PTPRD: variants seen among roughly 807,000 people sequenced by gnomAD.
The protein encoded by PTPRD is receptor-type tyrosine-protein phosphatase delta.
In PTPRD, 34 loss-of-function variants were observed where a neutral mutation model predicts 214.5. That is an observed-to-expected ratio of 0.16 (90% CI 0.12 to 0.21). The LOEUF is 0.21. Ranked by LOEUF, PTPRD falls within the 10% of genes least tolerant of loss-of-function variation. The pLI is 1.00. For missense variants in PTPRD, 2,545 were observed against 2,398.7 expected (o/e 1.06, Z -1.27); for synonymous variants, 1,128 against 845.7 (o/e 1.33, Z -5.79).
At chr9:9,934,146 C>T (rs1256634628) in intron 5 of PTPRD, among the ~76,000 whole-genome samples, 1 of 148,970 alleles carries the variant, frequency 6.7e-6, no homozygotes. Context: ...AAAATTGACA[C>T]CCTAACATCA....
intron 2 of PTPRD, among the ~76,000 whole-genome samples, chr9:10,518,988 T>A (rs1313160775): frequency 6.6e-6 from 1 of 151,850 alleles, no homozygotes; most frequent in Non-Finnish European, 1.5e-5. Context: ...TTTTTAATGG[T>A]CAGAAGAAAC....
At chr9:9,763,055 T>A (rs1409478763) in intron 6 of PTPRD, among the ~76,000 whole-genome samples, 3 of 152,176 alleles carry the variant, frequency 2.0e-5, no homozygotes, top group African/African-American at 7.2e-5. Context: ...GAGCGATCTC[T>A]TCCTCTTCTT....
chr9:9,862,363 C>T (rs913881718), intron 5 of PTPRD, among the ~76,000 whole-genome samples: 1 of 152,188 alleles, frequency 6.6e-6, no homozygotes, highest in Non-Finnish European at 1.5e-5. Context: ...TCTATGCAGA[C>T]ACAGGAACTA....
chr9:9,741,530 T>G (rs1235933830), intron 6 of PTPRD, among the ~76,000 whole-genome samples: 5 of 152,268 alleles, frequency 3.3e-5, no homozygotes, highest in Non-Finnish European at 7.4e-5. Flanking sequence ...TAGGTATACA[T>G]GTGCCATGGT....
At chr9:9,198,662 G>C (rs905087777) in intron 9 of PTPRD, among the ~76,000 whole-genome samples, 4 of 152,154 alleles carry the variant, frequency 2.6e-5, no homozygotes, top group Admixed American at 2.6e-4. Flanking sequence ...AAACTTAGGA[G>C]TTAGTTTTAA....
chr9:9,772,083 T>C (rs1172622445), intron 5 of PTPRD, among the ~76,000 whole-genome samples: 8 of 152,246 alleles, frequency 5.3e-5, no homozygotes, highest in South Asian at 4.2e-4. Context: ...TATTTAGAGA[T>C]AGGATATTTT....
intron 8 of PTPRD, among the ~76,000 whole-genome samples, chr9:9,460,747 T>C (rs1487801460): frequency 6.6e-6 from 1 of 151,944 alleles, no homozygotes; most frequent in Admixed American, 6.6e-5. Context: ...TTCAACCCCC[T>C]ATGGAAAACA....
intron 9 of PTPRD, among the ~76,000 whole-genome samples, chr9:9,362,043 C>G (rs2056357226): frequency 6.6e-6 from 1 of 150,998 alleles, no homozygotes; most frequent in Non-Finnish European, 1.5e-5. Context: ...AAACATGGCA[C>G]TTGTTCAAAT....
intron 2 of PTPRD, among the ~76,000 whole-genome samples, chr9:10,408,117 C>G (rs1186847744): frequency 1.3e-5 from 2 of 151,472 alleles, no homozygotes; most frequent in African/African-American, 4.8e-5. Flanking sequence ...GTTATCTTTG[C>G]TTGTGTTTCT....
intron 9 of PTPRD, among the ~76,000 whole-genome samples, chr9:9,314,374 A>T (rs1172187211): frequency 6.6e-6 from 1 of 152,144 alleles, no homozygotes; most frequent in African/African-American, 2.4e-5. Flanking sequence ...GTATATAAAA[A>T]ATTCAGTTCT....
chr9:9,125,556 TTTATA>T (rs2099829373), intron 10 of PTPRD, among the ~76,000 whole-genome samples: 1 of 152,168 alleles, frequency 6.6e-6, no homozygotes, highest in Non-Finnish European at 1.5e-5. Flanking sequence ...GACTTTACCT[TTTATA>T]TTAGTTTCAC....
At chr9:9,807,872 A>G (rs2045929356) in intron 5 of PTPRD, among the ~76,000 whole-genome samples, 1 of 152,200 alleles carries the variant, frequency 6.6e-6, no homozygotes, top group African/African-American at 2.4e-5. Flanking sequence ...GATGACTCAT[A>G]TAATTCTGAT....
intron 9 of PTPRD, among the ~76,000 whole-genome samples, chr9:9,203,414 A>G (rs2099943038): frequency 6.6e-6 from 1 of 152,148 alleles, no homozygotes. Flanking sequence ...GCTTTACCAC[A>G]TATCCCATAG....
intron 11 of PTPRD, among the ~76,000 whole-genome samples, chr9:8,758,074 T>C (rs1403475181): frequency 3.3e-5 from 5 of 152,322 alleles, no homozygotes; most frequent in African/African-American, 7.2e-5. Flanking sequence ...AATGAAATAA[T>C]GGCTGCCTCC....
intron 2 of PTPRD, among the ~76,000 whole-genome samples, chr9:10,377,387 C>A (rs1053113645): frequency 6.6e-5 from 10 of 151,924 alleles, no homozygotes; most frequent in African/African-American, 2.4e-4. Context: ...GTGTGTTGCA[C>A]CCATTAACTC....
intron 3 of PTPRD, among the ~76,000 whole-genome samples, chr9:10,294,294 T>A (rs1299949111): frequency 6.6e-6 from 1 of 151,942 alleles, no homozygotes; most frequent in Admixed American, 6.6e-5. Flanking sequence ...GTTCATCTAT[T>A]GAAAATACAG....
chr9:8,850,267 T>G (rs2154542205), intron 11 of PTPRD, among the ~76,000 whole-genome samples: 1 of 152,350 alleles, frequency 6.6e-6, no homozygotes, highest in East Asian at 1.9e-4. Context: ...GTTATCTATG[T>G]AGAAATTATT....
intron 12 of PTPRD, among the ~76,000 whole-genome samples, chr9:8,657,091 G>T (rs1024248940): frequency 1.6e-4 from 24 of 151,836 alleles, no homozygotes; most frequent in Admixed American, 1.3e-3. Context: ...GTGATGCAGA[G>T]CTTTTCTTTC....
At chr9:8,504,159 T>C in intron 23 of PTPRD, 102 bp downstream of exon 23, 1 of 1,174,308 alleles carries the variant, frequency 8.5e-7, no homozygotes, top group East Asian at 2.3e-5. Flanking sequence ...AGAGACTAAC[T>C]ATTAAGCATA....
Sources: gnomAD v4.1 joint callset for allele counts (sites outside exome capture counted in the v4.1 genomes callset) on GRCh38, gnomAD v4.1.1 for gene constraint, MANE v1.5 for transcripts, NCBI Gene and HGNC (gene_info 2026-07-23, HGNC 2026-07-21) for gene names.